C12orf42: variants seen among roughly 807,000 people sequenced by gnomAD.
C12orf42 encodes chromosome 12 open reading frame 42.
In C12orf42, 25 loss-of-function variants were observed where a neutral mutation model predicts 21.6. That is an observed-to-expected ratio of 1.16 (90% CI 0.84 to 1.62). The LOEUF is 1.62. Ranked by LOEUF, C12orf42 falls within the 40% of genes most tolerant of loss-of-function variation. C12orf42 has a pLI of 0.00. For synonymous variants in C12orf42, 174 were observed against 175.0 expected (o/e 0.99, Z 0.05); for missense variants, 483 against 459.3 (o/e 1.05, Z -0.47).
At chr12:103,285,922 T>C (rs544096499) in intron 4 of C12orf42, among the ~76,000 whole-genome samples, 3 of 152,234 alleles carry the variant, frequency 2.0e-5, no homozygotes, top group Non-Finnish European at 4.4e-5. Flanking sequence ...AAACAGATAG[T>C]AGGTGCTCAA....
intron 2 of C12orf42, among the ~76,000 whole-genome samples, chr12:103,418,166 C>T (rs2049532069): frequency 6.6e-6 from 1 of 152,178 alleles, no homozygotes; most frequent in South Asian, 2.1e-4. Context: ...CCTCCTTTCA[C>T]TGACTGGAGA....
chr12:103,355,609 G>A lies in C12orf42; in HGVS notation c.259+13278C>T, dbSNP rs114794371. 4.6e-3 allele frequency among the ~76,000 whole-genome samples: 706 copies of A among 152,170 alleles called. 8 individuals are homozygous for A. Among genetic ancestry groups the A allele is most frequent in the African/African-American group, 0.016 (668 of 41,526 alleles). ...GTATAGCCAAGGAGATGAACCCAGA[G>A]AGGTTAAACAGTTTGTACAAGGTCA... On this transcript the variant is annotated intron_variant, in intron 4 of 5. Transcript: ENST00000548883.
the C12orf42 span, among the ~76,000 whole-genome samples, chr12:103,154,908 A>G: frequency 5.1e-4 from 77 of 152,284 alleles, no homozygotes; most frequent in African/African-American, 1.8e-3. Context: ...GCTCTACTTT[A>G]CATTTCATGT....
the C12orf42 span, among the ~76,000 whole-genome samples, chr12:103,506,429 G>A: frequency 1.2e-4 from 18 of 151,300 alleles, no homozygotes; most frequent in East Asian, 7.8e-4. Flanking sequence ...GGTCAATATC[G>A]GGTTGTATAT....
intron 4 of C12orf42, among the ~76,000 whole-genome samples, chr12:103,353,911 T>G (rs1240663244): frequency 6.6e-6 from 1 of 152,120 alleles, no homozygotes; most frequent in Non-Finnish European, 1.5e-5. Flanking sequence ...ATGGGAGACT[T>G]TGGATATGCC....
At chr12:103,356,526 T>C (rs558119731) in intron 4 of C12orf42, among the ~76,000 whole-genome samples, 3 of 152,040 alleles carry the variant, frequency 2.0e-5, no homozygotes, top group South Asian at 2.1e-4. Context: ...TTATAGTCCT[T>C]TGGGTATATA....
downstream of C12orf42, among the ~76,000 whole-genome samples, chr12:103,235,268 T>TC (rs1003455744): frequency 6.6e-6 from 1 of 152,146 alleles, no homozygotes; most frequent in Admixed American, 6.6e-5. Flanking sequence ...AAATTACATT[T>TC]CCTTTTTAGC....
exon 11 of C12orf42, chr12:103,237,762 T>G (rs2033519485): frequency 6.6e-6 from 1 of 152,170 alleles, no homozygotes; most frequent in Admixed American, 6.5e-5. Context: ...CATCCTTCAT[T>G]GGTTAGTGCA....
intron 5 of C12orf42, among the ~76,000 whole-genome samples, chr12:103,304,718 T>C (rs1279674616): frequency 6.6e-6 from 1 of 152,162 alleles, no homozygotes; most frequent in Non-Finnish European, 1.5e-5. Flanking sequence ...GCCTTGTTCA[T>C]AGTAAGAATT....
chr12:103,474,198 T>C (rs1372230940), intron 2 of C12orf42, among the ~76,000 whole-genome samples: 1 of 151,906 alleles, frequency 6.6e-6, no homozygotes, highest in Admixed American at 6.6e-5. Context: ...CCCTAAGCTC[T>C]AGGAAGGCAG....
the C12orf42 span, among the ~76,000 whole-genome samples, chr12:103,180,457 A>G: frequency 4.6e-5 from 7 of 152,046 alleles, no homozygotes; most frequent in Non-Finnish European, 8.8e-5. Flanking sequence ...CAATATTTGC[A>G]CTGGAGAAAA....
the C12orf42 span, among the ~76,000 whole-genome samples, chr12:103,054,827 T>C: frequency 6.6e-6 from 1 of 151,922 alleles, no homozygotes; most frequent in African/African-American, 2.4e-5. Context: ...ACGATTGATA[T>C]GACCATGTGA....
the C12orf42 span, among the ~76,000 whole-genome samples, chr12:103,503,053 C>G: frequency 1.3e-5 from 2 of 152,116 alleles, no homozygotes; most frequent in Non-Finnish European, 2.9e-5. Flanking sequence ...GAAACAGAGC[C>G]AAAAATTCCT....
At chr12:103,427,917 T>C (rs926476963) in intron 2 of C12orf42, among the ~76,000 whole-genome samples, 1 of 152,202 alleles carries the variant, frequency 6.6e-6, no homozygotes, top group Non-Finnish European at 1.5e-5. Context: ...GTAAGTTCTT[T>C]GAAGTCAGTG....
the C12orf42 span, among the ~76,000 whole-genome samples, chr12:103,506,332 C>CA: frequency 1.4e-3 from 174 of 121,904 alleles, 2 homozygotes; most frequent in African/African-American, 4.4e-3. Flanking sequence ...CAAAACAAAA[C>CA]AAAAAAAAAA....
chr12:103,435,597 G>A (rs974490642), intron 2 of C12orf42, among the ~76,000 whole-genome samples: 2 of 152,170 alleles, frequency 1.3e-5, no homozygotes, highest in Non-Finnish European at 2.9e-5. Flanking sequence ...AGAACTACAT[G>A]AAGAATGCAA....
the C12orf42 span, among the ~76,000 whole-genome samples, chr12:103,550,162 A>T: frequency 2.0e-5 from 3 of 152,164 alleles, no homozygotes; most frequent in Non-Finnish European, 2.9e-5. Flanking sequence ...TCCATTAATA[A>T]TACAATATTA....
chr12:103,134,620 A>G, the C12orf42 span, among the ~76,000 whole-genome samples: 1 of 152,134 alleles, frequency 6.6e-6, no homozygotes, highest in Non-Finnish European at 1.5e-5. Flanking sequence ...GACATATGAG[A>G]CACCATAAAG....
At chr12:103,252,476 G>A (rs945107215) in intron 10 of C12orf42, among the ~76,000 whole-genome samples, 1 of 152,076 alleles carries the variant, frequency 6.6e-6, no homozygotes, top group African/African-American at 2.4e-5. Context: ...ACTTTTTAAT[G>A]ATCACCATTC....
Sources: gnomAD v4.1 joint callset for allele counts (sites outside exome capture counted in the v4.1 genomes callset) on GRCh38, gnomAD v4.1.1 for gene constraint, MANE v1.5 for transcripts, NCBI Gene and HGNC (gene_info 2026-07-23, HGNC 2026-07-21) for gene names.